Variants in BBOX1 observed in about 807,000 individuals in gnomAD.
BBOX1 encodes gamma-butyrobetaine hydroxylase 1.
In BBOX1, 35 loss-of-function variants were observed where a neutral mutation model predicts 41.6. That is an observed-to-expected ratio of 0.84 (90% confidence interval 0.64 to 1.11). BBOX1 has a LOEUF of 1.11. Among genes scored for constraint, BBOX1 ranks in the 50% most tolerant of loss-of-function variants. The pLI is 0.00. For missense variants in BBOX1, 458 were observed against 460.6 expected, an observed-to-expected ratio of 0.99 and a Z score of 0.05; for synonymous variants, 163 against 154.7, an observed-to-expected ratio of 1.05 and a Z score of -0.40.
chr11:27,092,072 A>G (rs1858264295), intron 4 of BBOX1, among the ~76,000 whole-genome samples: 1 of 151,954 alleles, frequency 6.6e-6, no homozygotes, highest in Non-Finnish European at 1.5e-5. Context: ...TACTAAAGCC[A>G]CTATCTGACG....
intron 5 of BBOX1, among the ~76,000 whole-genome samples, chr11:27,108,926 T>C (rs1316088248): frequency 1.3e-5 from 2 of 152,050 alleles, no homozygotes; most frequent in Non-Finnish European, 2.9e-5. Flanking sequence ...GTATACCGTA[T>C]GAAAATGAAA....
At chr11:27,064,525 T>C (rs1201776489) in intron 4 of BBOX1, among the ~76,000 whole-genome samples, 2 of 152,224 alleles carry the variant, frequency 1.3e-5, no homozygotes, top group Non-Finnish European at 2.9e-5. Context: ...TTCTGTGAAA[T>C]GAATATAGCT....
At position 27,061,433 on chromosome 11, in the gene BBOX1, G is replaced by A. The variant is rs183105760; in HGVS notation, c.334+4118G>A. Among the ~76,000 whole-genome samples the A allele has an allele frequency of 1.9e-3, 287 of 152,304 alleles. 5 individuals are homozygous for A. Among genetic ancestry groups the A allele is most frequent in the South Asian group, 0.013 (63 of 4,822 alleles). On this transcript the variant is annotated intron_variant, in intron 4 of 8. Coordinates refer to ENST00000263182, the MANE Select transcript of BBOX1 (RefSeq NM_003986.3). The stretch of plus-strand genomic sequence containing the variant: ...TTAAAATACATTCTCAAGCTGTGCA[G>A]TTGGTGGGTAAAAAAAAGAAATTAA...
In BBOX1 at chr11:27,119,679, G is replaced by C; in HGVS notation, c.670G>C (p.Val224Leu). The change falls in exon 7 of 9, where the codon GTC (valine) becomes CTC (leucine). Residue 224 changes from valine (V) to leucine (L), a missense_variant. Physicochemically the swap from Val to Leu is conservative, Grantham distance 32 (BLOSUM62 1). Transcript: ENST00000263182. ...GCTTCTTCACTGCATAAAGCAAACA[G>C]TCACAGGGGGTGATTCAGAAATTGT... ...VQLLHCIKQTVTGGDSEIVDG... is the reference protein window; with the variant it reads ...VQLLHCIKQTLTGGDSEIVDG... 6.4e-7 allele frequency: 1 copy of C among 1,555,932 alleles called. No homozygotes were observed. The highest frequency in any genetic ancestry group is 8.7e-7 in the Non-Finnish European group (1 of 1,154,582).
chr11:27,123,474 A>AC (rs538410791), intron 7 of BBOX1, among the ~76,000 whole-genome samples: 11 of 151,646 alleles, frequency 7.3e-5, no homozygotes, highest in African/African-American at 2.2e-4. Flanking sequence ...GAAACAGACG[A>AC]CCCCCCCAGA....
chr11:27,085,562 TC>T (rs2134025048), intron 4 of BBOX1, among the ~76,000 whole-genome samples: 1 of 146,248 alleles, frequency 6.8e-6, no homozygotes, highest in African/African-American at 2.6e-5. Flanking sequence ...CCCATCTCTC[TC>T]TCTCTCTCTC....
At chr11:27,074,719 T>C (rs1219265945) in intron 4 of BBOX1, among the ~76,000 whole-genome samples, 1 of 152,206 alleles carries the variant, frequency 6.6e-6, no homozygotes, top group African/African-American at 2.4e-5. Context: ...AACAAAGAGA[T>C]TAGCTAAAAC....
intron 5 of BBOX1, among the ~76,000 whole-genome samples, chr11:27,110,340 G>A (rs1859013498): frequency 6.6e-6 from 1 of 151,844 alleles, no homozygotes; most frequent in Non-Finnish European, 1.5e-5. Context: ...GAAAACTTCA[G>A]TGGCTTCCCA....
intron 5 of BBOX1, among the ~76,000 whole-genome samples, chr11:27,107,650 T>C (rs751922147): frequency 2.6e-5 from 4 of 151,950 alleles, no homozygotes; most frequent in African/African-American, 4.8e-5. Context: ...TGCATGTAAG[T>C]ACACCTTCAT....
At chr11:27,089,234 G>C (rs1205020491) in intron 4 of BBOX1, among the ~76,000 whole-genome samples, 1 of 151,772 alleles carries the variant, frequency 6.6e-6, no homozygotes, top group Non-Finnish European at 1.5e-5. Context: ...TGTTTCGCCA[G>C]CCAGATGTCA....
At chr11:27,063,787 AT>A (rs1219163868) in intron 4 of BBOX1, among the ~76,000 whole-genome samples, 1 of 152,210 alleles carries the variant, frequency 6.6e-6, no homozygotes, top group African/African-American at 2.4e-5. Flanking sequence ...CAAAAGTAGC[AT>A]TCCATAAGAG....
At chr11:27,090,793 G>A (rs1201214295) in intron 4 of BBOX1, among the ~76,000 whole-genome samples, 2 of 151,836 alleles carry the variant, frequency 1.3e-5, no homozygotes, top group South Asian at 2.1e-4. Context: ...TCCCAGAGCA[G>A]CCGTTTATAG....
At chr11:27,114,293 T>C (rs1315748476) in intron 5 of BBOX1, among the ~76,000 whole-genome samples, 4 of 151,844 alleles carry the variant, frequency 2.6e-5, no homozygotes, top group Admixed American at 2.6e-4. Flanking sequence ...ATTCGTGGAT[T>C]GGAAGGCATA....
At chr11:27,079,856 G>C (rs1409032141) in intron 4 of BBOX1, among the ~76,000 whole-genome samples, 3 of 152,068 alleles carry the variant, frequency 2.0e-5, no homozygotes, top group African/African-American at 7.2e-5. Context: ...CTTGACTACT[G>C]TTTGTCTCTC....
intron 4 of BBOX1, among the ~76,000 whole-genome samples, chr11:27,081,844 T>C (rs1221311425): frequency 1.3e-5 from 2 of 152,230 alleles, no homozygotes; most frequent in African/African-American, 2.4e-5. Context: ...GTTGGCTGCA[T>C]ACATGTCTTC....
chr11:27,090,359 G>A lies in BBOX1; in HGVS notation c.335-2809G>A, dbSNP rs1054542346. ...ATCAGTAGGACCATGATGCCAGCCTGAGTCTCAGACCAGCAAGTTTTTATT... is the reference window on the plus strand; with the variant it reads ...ATCAGTAGGACCATGATGCCAGCCTAAGTCTCAGACCAGCAAGTTTTTATT... On this transcript the variant is annotated intron_variant, in intron 4 of 8. Transcript: ENST00000263182. Among the ~76,000 whole-genome samples the A allele has an allele frequency of 2.0e-4, 31 of 151,932 alleles. 1 individual carries two copies. The highest frequency in any genetic ancestry group is 7.0e-4 in the African/African-American group (29 of 41,400).
chr11:27,068,382 T>C lies in BBOX1; in HGVS notation c.334+11067T>C, dbSNP rs994640458. 2.6e-5 allele frequency among the ~76,000 whole-genome samples: 4 copies of C among 152,304 alleles called. No homozygotes were observed. In the South Asian group the frequency reaches 6.2e-4, roughly 24 times the overall value. On this transcript the variant is annotated intron_variant, in intron 4 of 8. Transcript: ENST00000263182. ...CATTTGTACATCTTCTTTTGAGAAA[T>C]GTCCATTCATGTCATCTGCCCACGT... is the stretch of plus-strand genomic sequence containing the variant.
intron 5 of BBOX1, among the ~76,000 whole-genome samples, chr11:27,112,990 A>G (rs982222640): frequency 1.3e-5 from 2 of 152,112 alleles, no homozygotes; most frequent in African/African-American, 4.8e-5. Flanking sequence ...TAAGTGGGCA[A>G]AAAACATGAA....
intron 5 of BBOX1, among the ~76,000 whole-genome samples, chr11:27,113,240 T>G (rs929833322): frequency 6.6e-6 from 1 of 151,902 alleles, no homozygotes; most frequent in Non-Finnish European, 1.5e-5. Context: ...GGAAAGCAGT[T>G]TGGCAATTTC....
Sources: gnomAD v4.1 joint callset for allele counts (sites outside exome capture counted in the v4.1 genomes callset) on GRCh38, gnomAD v4.1.1 for gene constraint, MANE v1.5 for transcripts, NCBI Gene and HGNC (gene_info 2026-07-23, HGNC 2026-07-21) for gene names.